The following NCKAP5 variants were observed in gnomAD, a reference collection of about 807,000 sequenced individuals.
NCKAP5 encodes nck-associated protein 5.
Under a neutral mutation model 167.0 loss-of-function variants are expected in NCKAP5, and 92 were observed. That is an observed-to-expected ratio of 0.55 (90% CI 0.47 to 0.66). NCKAP5 has a LOEUF of 0.66. NCKAP5 is among the 30% of genes least tolerant of loss of function. The pLI is 0.00. For missense variants in NCKAP5, 2,378 were observed against 2,315.0 expected (o/e 1.03, Z -0.56); for synonymous variants, 891 against 877.4 (o/e 1.02, Z -0.27).
intron 3 of NCKAP5, among the ~76,000 whole-genome samples, chr2:133,396,350 T>G (rs1288520051): frequency 2.6e-5 from 4 of 152,096 alleles, no homozygotes; most frequent in African/African-American, 9.7e-5. Flanking sequence ...CAAGCTGAAC[T>G]CAGCTCGTTT....
intron 3 of NCKAP5, among the ~76,000 whole-genome samples, chr2:133,515,270 TGAA>T (rs941956506): frequency 2.0e-5 from 3 of 152,224 alleles, no homozygotes; most frequent in African/African-American, 7.2e-5. Flanking sequence ...GCATCTTATT[TGAA>T]GAAGAGAACA....
chr2:133,195,562 G>C (rs746974373), intron 5 of NCKAP5, among the ~76,000 whole-genome samples: 3 of 152,018 alleles, frequency 2.0e-5, no homozygotes, highest in African/African-American at 4.8e-5. Context: ...TCCTTGTCTG[G>C]GCCATTGAAG....
chr2:133,055,959 A>G (rs1177813627), intron 6 of NCKAP5, among the ~76,000 whole-genome samples: 1 of 152,214 alleles, frequency 6.6e-6, no homozygotes, highest in Non-Finnish European at 1.5e-5. Flanking sequence ...TCTTAAAATT[A>G]CTTACAAGAG....
At chr2:133,252,258 A>G (rs1034692620) in intron 4 of NCKAP5, among the ~76,000 whole-genome samples, 1 of 152,054 alleles carries the variant, frequency 6.6e-6, no homozygotes, top group Non-Finnish European at 1.5e-5. Context: ...GGTAGTAAGG[A>G]TTACTTAGAA....
At chr2:133,324,375 TA>T (rs111430248) in intron 3 of NCKAP5, among the ~76,000 whole-genome samples, 27 of 152,360 alleles carry the variant, frequency 1.8e-4, no homozygotes, top group African/African-American at 6.0e-4. Context: ...TGGAATTACA[TA>T]AAAAATATTT....
intron 11 of NCKAP5, among the ~76,000 whole-genome samples, chr2:132,826,619 A>G (rs1300878321): frequency 6.6e-6 from 1 of 152,200 alleles, no homozygotes; most frequent in Non-Finnish European, 1.5e-5. Flanking sequence ...AATTAGTGAG[A>G]CTTTCATGTT....
chr2:133,446,837 G>C (rs1691225507), intron 3 of NCKAP5, among the ~76,000 whole-genome samples: 2 of 152,128 alleles, frequency 1.3e-5, no homozygotes, highest in Admixed American at 1.3e-4. Flanking sequence ...GAGAAGTGAG[G>C]GGAAAGGGAG....
At chr2:132,950,820 A>T (rs1406090833) in intron 8 of NCKAP5, among the ~76,000 whole-genome samples, 6 of 152,184 alleles carry the variant, frequency 3.9e-5, no homozygotes, top group African/African-American at 1.4e-4. Context: ...TGAATTCCTG[A>T]TCATCTTAGT....
intron 7 of NCKAP5, among the ~76,000 whole-genome samples, chr2:132,981,039 ATTAAT>A (rs1352653731): frequency 6.6e-6 from 1 of 152,190 alleles, no homozygotes; most frequent in Admixed American, 6.5e-5. Context: ...GTGCTAATTT[ATTAAT>A]TTAATGTGGA....
intron 3 of NCKAP5, among the ~76,000 whole-genome samples, chr2:133,407,450 C>G (rs1574898668): frequency 1.3e-5 from 2 of 152,178 alleles, no homozygotes; most frequent in East Asian, 3.9e-4. Context: ...AGCAATTTGG[C>G]AAGCCTAGGA....
chr2:133,622,875 A>T, the NCKAP5 span, among the ~76,000 whole-genome samples: 1 of 152,168 alleles, frequency 6.6e-6, no homozygotes, highest in Non-Finnish European at 1.5e-5. Flanking sequence ...ACAAATACGG[A>T]GTCATCACAT....
rs558242540 is a variant in NCKAP5, at chr2:132,783,993, G to A, written c.2818C>T (p.Leu940=). Reference sequence around the variant, plus strand: ...GAATAGTCATAGCTGGGCCTGGCCAGCAGGGAGACGGACCTGCCTGGAGGG... The same window carrying A: ...GAATAGTCATAGCTGGGCCTGGCCAACAGGGAGACGGACCTGCCTGGAGGG... ...PPPPGRSVSL[L]ARPSYDYSPA... is the part of the protein sequence containing the mutation. The change falls in exon 14 of 20, where the codon CTG becomes TTG. Residue 940 remains leucine (L), a synonymous_variant. Coordinates refer to ENST00000409261, the MANE Select transcript of NCKAP5 (RefSeq NM_207363.3). 1 of 1,592,456 alleles carries A rather than the reference G, an allele frequency of 6.3e-7. No homozygotes were observed. Among genetic ancestry groups the A allele is most frequent in the Non-Finnish European group, 8.5e-7 (1 of 1,171,392 alleles).
chr2:132,769,117 T>A (rs183402326), intron 16 of NCKAP5, among the ~76,000 whole-genome samples: 359 of 151,918 alleles, frequency 2.4e-3, no homozygotes, highest in African/African-American at 7.3e-3. Flanking sequence ...ACTAATTTTT[T>A]AAAAATTTTT....
At chr2:133,313,849 T>C (rs1427021638) in intron 3 of NCKAP5, among the ~76,000 whole-genome samples, 1 of 152,200 alleles carries the variant, frequency 6.6e-6, no homozygotes, top group Non-Finnish European at 1.5e-5. Flanking sequence ...TAGAGCCTTA[T>C]ATGAGTGAAA....
chr2:133,470,177 A>C (rs1559507947), intron 3 of NCKAP5, among the ~76,000 whole-genome samples: 3 of 152,124 alleles, frequency 2.0e-5, no homozygotes. Flanking sequence ...GGTGATGTAC[A>C]GATGGGTTTT....
the NCKAP5 span, among the ~76,000 whole-genome samples, chr2:133,646,275 T>A: frequency 6.6e-6 from 1 of 151,882 alleles, no homozygotes; most frequent in Non-Finnish European, 1.5e-5. Context: ...CACAGACCAA[T>A]AAAAATAAAC....
intron 6 of NCKAP5, among the ~76,000 whole-genome samples, chr2:133,088,930 C>T (rs2081082734): frequency 6.6e-6 from 1 of 152,212 alleles, no homozygotes; most frequent in South Asian, 2.1e-4. Flanking sequence ...CAAGTAGAAG[C>T]TGACACTAAA....
At chr2:133,601,112 C>T in the NCKAP5 span, among the ~76,000 whole-genome samples, 7 of 152,342 alleles carry the variant, frequency 4.6e-5, no homozygotes, top group Middle Eastern at 0.01. Context: ...TCTTCTATCA[C>T]TCAGCCTCAG....
At position 133,168,280 on chromosome 2, in the gene NCKAP5, ATTT is replaced by A. The variant is rs35632445; in HGVS notation, c.208-38172_208-38170del. On this transcript the variant is annotated intron_variant, in intron 5 of 19. Transcript: ENST00000409261. Reference sequence around the variant, plus strand: ...CTAAGAGTGAATTTCAACTGATAACATTTTTTTTTTTTTTTTTTTTGACCACAG... The same window carrying A: ...CTAAGAGTGAATTTCAACTGATAACATTTTTTTTTTTTTTTTTGACCACAG... Among the ~76,000 whole-genome samples, 349 of 125,902 alleles carry A rather than the reference ATTT, an allele frequency of 2.8e-3. 1 individual carries two copies. The highest frequency in any genetic ancestry group is 0.01 in the Admixed American group (132 of 12,574). The allele number at this position is 125,902 out of a possible 152,430, so 82.6% of individuals were successfully genotyped here.
Sources: gnomAD v4.1 joint callset for allele counts (sites outside exome capture counted in the v4.1 genomes callset) on GRCh38, gnomAD v4.1.1 for gene constraint, MANE v1.5 for transcripts, NCBI Gene and HGNC (gene_info 2026-07-23, HGNC 2026-07-21) for gene names.